Variants in FAF2 observed in about 807,000 individuals in gnomAD.
FAF2 encodes the protein FAS-associated factor 2.
In FAF2, 9 loss-of-function variants were observed where a neutral mutation model predicts 62.3. The ratio of observed to expected loss-of-function variants is 0.14; its 90% confidence interval spans 0.09 to 0.25. The LOEUF (loss-of-function observed/expected upper bound fraction) is 0.25, where lower values mean the gene tolerates loss of function less well. Among genes scored for constraint, FAF2 ranks in the 10% least tolerant of loss-of-function variants. FAF2 has a pLI of 1.00. For missense variants in FAF2, 368 were observed against 556.2 expected, an observed-to-expected ratio of 0.66 and a Z score of 3.40; for synonymous variants, 202 against 198.0, an observed-to-expected ratio of 1.02 and a Z score of -0.17.
chr5:176,491,925 CAAA>C (rs1260394885), intron 4 of FAF2, among the ~76,000 whole-genome samples: 1 of 152,124 alleles, frequency 6.6e-6, no homozygotes, highest in East Asian at 1.9e-4. Flanking sequence ...AATTGTTCTA[CAAA>C]AAATACTCAG....
intron 2 of FAF2, among the ~76,000 whole-genome samples, chr5:176,480,350 A>C (rs147214755): frequency 6.6e-6 from 1 of 151,970 alleles, no homozygotes; most frequent in East Asian, 1.9e-4. Flanking sequence ...GTTATTCAAC[A>C]CATTTTTGAG....
chr5:176,451,890 ATAT>A (rs1758192385), intron 1 of FAF2, among the ~76,000 whole-genome samples: 2 of 34,220 alleles, frequency 5.8e-5, no homozygotes, highest in African/African-American at 2.9e-4. Flanking sequence ...ATATATATAT[ATAT>A]TTTTTTTTTT....
At chr5:176,470,533 C>T (rs145350943) in intron 1 of FAF2, among the ~76,000 whole-genome samples, 10 of 152,378 alleles carry the variant, frequency 6.6e-5, no homozygotes, top group African/African-American at 1.2e-4. Context: ...GCCAAGATCG[C>T]GCCATCGCGC....
intron 3 of FAF2, among the ~76,000 whole-genome samples, 186 bp downstream of exon 3, chr5:176,486,675 T>C (rs1168296418): frequency 4.1e-4 from 2 of 4,848 alleles, no homozygotes; most frequent in African/African-American, 5.1e-3. Context: ...AACTACTCAT[T>C]TTTTTTTTCT....
rs1266539756 is a variant in FAF2 at position 176,486,345 on chromosome 5, T to C, written c.133-10T>C. 6.2e-7 allele frequency: 1 copy of C among 1,610,102 alleles called. No homozygotes were observed. The highest frequency in any genetic ancestry group is 1.7e-5 in the Admixed American group (1 of 58,686). Reference sequence around the variant, plus strand: ...CGCTGAAACTCTTGCCACTCCGTTTTCCTTCTCAGGCTGCTGTACAGGACA... The same window carrying C: ...CGCTGAAACTCTTGCCACTCCGTTTCCCTTCTCAGGCTGCTGTACAGGACA... On this transcript the variant is annotated splice_polypyrimidine_tract_variant and intron_variant, in intron 2 of 10. Transcript: ENST00000261942.
chr5:176,455,326 G>C (rs532887473), intron 1 of FAF2, among the ~76,000 whole-genome samples: 1 of 152,224 alleles, frequency 6.6e-6, no homozygotes, highest in African/African-American at 2.4e-5. Context: ...CTGTGGGCCT[G>C]TGATCCCAGC....
At chr5:176,476,404 C>T (rs539295567) in intron 1 of FAF2, among the ~76,000 whole-genome samples, 12 of 152,140 alleles carry the variant, frequency 7.9e-5, no homozygotes, top group Non-Finnish European at 1.3e-4. Flanking sequence ...GATTCTTCTA[C>T]GATTTAAGCC....
chr5:176,499,809 A>C (rs570824936), intron 9 of FAF2, among the ~76,000 whole-genome samples, 194 bp from the exon 10 acceptor site: 1 of 152,228 alleles, frequency 6.6e-6, no homozygotes, highest in Non-Finnish European at 1.5e-5. Context: ...TTCTCAAATA[A>C]ATACCTAGAC....
chr5:176,506,100 A>T (rs1396238374), intron 10 of FAF2, among the ~76,000 whole-genome samples: 3 of 150,910 alleles, frequency 2.0e-5, no homozygotes, highest in Non-Finnish European at 4.4e-5. Flanking sequence ...CTGAGGCAGG[A>T]GAATAGCGTG....
intron 1 of FAF2, among the ~76,000 whole-genome samples, chr5:176,473,624 G>A (rs1424730679): frequency 6.6e-6 from 1 of 152,156 alleles, no homozygotes; most frequent in Non-Finnish European, 1.5e-5. Context: ...ATCTATATAA[G>A]TTACTTGGAA....
chr5:176,482,791 C>T (rs567210773), intron 2 of FAF2, among the ~76,000 whole-genome samples: 20 of 152,314 alleles, frequency 1.3e-4, no homozygotes, highest in African/African-American at 4.6e-4. Context: ...GTTGGGATTC[C>T]AGACGTGAGC....
chr5:176,499,177 A>C (rs1581075463), intron 9 of FAF2, 92 bp downstream of exon 9: 4 of 1,197,760 alleles, frequency 3.3e-6, no homozygotes, highest in Non-Finnish European at 1.1e-6. Context: ...AATGATAGCC[A>C]CCTTAAACAG....
chr5:176,500,576 T>G (rs987147052), intron 10 of FAF2, among the ~76,000 whole-genome samples: 2 of 152,176 alleles, frequency 1.3e-5, no homozygotes, highest in Admixed American at 6.5e-5. Context: ...TGAATATAAG[T>G]GCACTTGCAG....
chr5:176,496,719 T>A (rs1755494182), intron 8 of FAF2, 56 bp downstream of exon 8: 1 of 1,379,978 alleles, frequency 7.2e-7, no homozygotes, highest in African/African-American at 1.5e-5. Flanking sequence ...TTTGGAGGGC[T>A]GACCTCTGGG....
At chr5:176,487,149 C>T (rs1379507378) in intron 3 of FAF2, among the ~76,000 whole-genome samples, 1 of 152,126 alleles carries the variant, frequency 6.6e-6, no homozygotes, top group Non-Finnish European at 1.5e-5. Context: ...GAATTTACTC[C>T]ATCATCAAGC....
intron 10 of FAF2, 66 bp downstream of exon 10, chr5:176,500,212 G>A (rs1474350492): frequency 1.3e-6 from 2 of 1,494,744 alleles, no homozygotes; most frequent in African/African-American, 2.8e-5. Context: ...AGCTTTTACT[G>A]ACTCTTGAGA....
intron 1 of FAF2, among the ~76,000 whole-genome samples, chr5:176,462,270 TG>T (rs1413068886): frequency 6.6e-6 from 1 of 150,928 alleles, no homozygotes. Flanking sequence ...AGTGAGATTC[TG>T]TCTCCAAACA....
Position 176,494,011 on chromosome 5 carries a change from G to A in FAF2, c.496G>A (p.Ala166Thr), listed in dbSNP as rs772785870. The A allele has an allele frequency of 3.1e-6, 5 of 1,613,448 alleles. No individual in the cohort carries two copies. Among genetic ancestry groups the A allele is most frequent in the African/African-American group, 1.3e-5 (1 of 74,894 alleles). ...CTCTTTCTCACAGGCACTTAACGAT[G>A]CCAAAAGGGAGCTTCGCTTTCTTTT... ...QGTYSQALND[A>T]KRELRFLLVY... Residue 166 changes from alanine (A) to threonine (T), a missense_variant, in exon 6 of 11, where the codon GCC (alanine) becomes ACC (threonine). Physicochemically the swap from Ala to Thr is moderately conservative, Grantham distance 58. This residue lies in a region of FAF2 where 331 missense variants were observed against 441.9 expected (regional missense o/e 0.75). Transcript: ENST00000261942. The surrounding 1 kb of genome is among the most constrained non-coding windows in gnomAD (Gnocchi z 4.0).
intron 10 of FAF2, among the ~76,000 whole-genome samples, chr5:176,502,544 C>T (rs538137324): frequency 3.8e-4 from 58 of 151,986 alleles, no homozygotes; most frequent in Middle Eastern, 3.4e-3. Context: ...CATGCCATTG[C>T]ACTCCAGCCT....
Sources: allele counts gnomAD v4.1 joint callset (sites outside exome capture counted in the v4.1 genomes callset), GRCh38; gene constraint gnomAD v4.1.1; regional missense constraint gnomAD v4.1.1; non-coding constraint Gnocchi (gnomAD v3.1); transcripts MANE v1.5; gene names NCBI Gene and HGNC (gene_info 2026-07-23, HGNC 2026-07-21).